The following TP63 variants were observed in gnomAD, a reference collection of about 807,000 sequenced individuals.
TP63 encodes tumor protein p63, also known as tumor protein 63.
A neutral mutation model predicts 82.8 loss-of-function variants in TP63; 17 were observed. The observed-to-expected ratio is 0.21, with a 90% CI of 0.14 to 0.31. TP63 has a LOEUF of 0.31. Ranked by LOEUF, TP63 falls within the 10% of genes least tolerant of loss-of-function variation. The pLI is 1.00. For synonymous variants in TP63, 330 were observed against 321.7 expected, an observed-to-expected ratio of 1.03 and a Z score of -0.28; for missense variants, 648 against 895.3, an observed-to-expected ratio of 0.72 and a Z score of 3.52.
intron 1 of TP63, among the ~76,000 whole-genome samples, chr3:189,674,469 C>A (rs1715209928): frequency 1.3e-5 from 2 of 152,228 alleles, no homozygotes; most frequent in Admixed American, 6.6e-5. Context: ...GACAGGGACA[C>A]AGAAGCGTCA....
At chr3:189,660,084 T>C (rs561625600) in intron 1 of TP63, among the ~76,000 whole-genome samples, 7 of 152,252 alleles carry the variant, frequency 4.6e-5, no homozygotes, top group African/African-American at 9.6e-5. Flanking sequence ...ATTTTTGTTT[T>C]TGTTGCAATT....
At chr3:189,743,853 C>T (rs564986169) in intron 3 of TP63, among the ~76,000 whole-genome samples, 38 of 152,262 alleles carry the variant, frequency 2.5e-4, no homozygotes, top group Admixed American at 1.0e-3. Context: ...AGACCCCTCA[C>T]GGTCCACATT....
chr3:189,625,962 C>A, the TP63 span, among the ~76,000 whole-genome samples: 1 of 152,042 alleles, frequency 6.6e-6, no homozygotes, highest in African/African-American at 2.4e-5. Flanking sequence ...CTCTTTCCTT[C>A]GGACACTCCC....
chr3:189,672,618 A>G (rs1714989307), intron 1 of TP63, among the ~76,000 whole-genome samples: 2 of 130,876 alleles, frequency 1.5e-5, no homozygotes, highest in South Asian at 5.4e-4. Flanking sequence ...AGATAGAAAG[A>G]AAAAAGGAAG....
intron 1 of TP63, among the ~76,000 whole-genome samples, chr3:189,713,812 G>A (rs943952919): frequency 5.3e-5 from 8 of 151,500 alleles, no homozygotes; most frequent in African/African-American, 1.9e-4. Context: ...TTTTATAATT[G>A]AATATTATTT....
chr3:189,890,162 C>T (rs758183528), intron 12 of TP63, among the ~76,000 whole-genome samples: 5 of 152,218 alleles, frequency 3.3e-5, no homozygotes, highest in South Asian at 2.1e-4. Flanking sequence ...GCTACTGGAA[C>T]GATTTGTGTT....
intron 1 of TP63, among the ~76,000 whole-genome samples, chr3:189,662,522 A>G (rs1714016638): frequency 6.6e-6 from 1 of 152,048 alleles, no homozygotes; most frequent in African/African-American, 2.4e-5. Flanking sequence ...ACAGAATAAA[A>G]GTTTATTTTT....
chr3:189,691,338 C>CAAAAAAAAAAAA (rs781098833), intron 1 of TP63, among the ~76,000 whole-genome samples: 104 of 66,882 alleles, frequency 1.6e-3, no homozygotes, highest in East Asian at 2.9e-3. Context: ...GACTCCATCT[C>CAAAAAAAAAAAA]AAAAAAAAAA....
At chr3:189,739,266 C>T (rs778145158) in intron 3 of TP63, among the ~76,000 whole-genome samples, 36 of 152,106 alleles carry the variant, frequency 2.4e-4, no homozygotes, top group Non-Finnish European at 8.8e-5. Context: ...CAGACATGCA[C>T]CACCACACCT....
chr3:189,792,937 A>G (rs1017970607), intron 3 of TP63, among the ~76,000 whole-genome samples: 2 of 152,098 alleles, frequency 1.3e-5, no homozygotes, highest in Non-Finnish European at 2.9e-5. Context: ...TGACTCAACC[A>G]TTTAAAAGAT....
intron 4 of TP63, among the ~76,000 whole-genome samples, chr3:189,854,849 T>A (rs1716093031): frequency 6.6e-6 from 1 of 152,180 alleles, no homozygotes; most frequent in African/African-American, 2.4e-5. Flanking sequence ...AGAAGATTAC[T>A]TTGGTGCAAA....
chr3:189,602,873 A>G, the TP63 span, among the ~76,000 whole-genome samples: 6 of 152,128 alleles, frequency 3.9e-5, no homozygotes, highest in African/African-American at 1.2e-4. Context: ...CTAGTGTTCT[A>G]TGTTTAATGG....
At chr3:189,598,992 C>T in the TP63 span, among the ~76,000 whole-genome samples, 2 of 152,180 alleles carry the variant, frequency 1.3e-5, no homozygotes, top group African/African-American at 4.8e-5. Context: ...TAACCTTGCC[C>T]ACAGCAAAGC....
At chr3:189,894,151 A>T (rs1721285161) in intron 13 of TP63, 55 bp from the exon 14 acceptor site, 1 of 1,606,868 alleles carries the variant, frequency 6.2e-7, no homozygotes, top group Non-Finnish European at 8.5e-7. Context: ...TGTGGACTAA[A>T]TGTCCGTTTT....
chr3:189,781,338 TG>T (rs1311769328), intron 3 of TP63, among the ~76,000 whole-genome samples: 1 of 152,088 alleles, frequency 6.6e-6, no homozygotes, highest in Non-Finnish European at 1.5e-5. Flanking sequence ...GATGCAAAGG[TG>T]GTGTGCATAC....
intron 4 of TP63, among the ~76,000 whole-genome samples, chr3:189,840,270 C>T (rs2108737934): frequency 6.8e-6 from 1 of 147,068 alleles, no homozygotes; most frequent in Admixed American, 6.8e-5. Flanking sequence ...AGGTAGACGT[C>T]TACCATAATT....
intron 10 of TP63, chr3:189,879,960 A>G (rs1719720606): frequency 6.8e-7 from 1 of 1,463,500 alleles, no homozygotes; most frequent in African/African-American, 1.4e-5. Context: ...TTCTGTCTAT[A>G]CTATGATCAT....
intron 1 of TP63, among the ~76,000 whole-genome samples, chr3:189,664,475 G>A (rs886527102): frequency 2.0e-5 from 3 of 152,082 alleles, no homozygotes; most frequent in African/African-American, 7.2e-5. Flanking sequence ...AACATGCATT[G>A]CAGCATGCCA....
intron 3 of TP63, among the ~76,000 whole-genome samples, chr3:189,793,026 T>C (rs1014002135): frequency 6.6e-6 from 1 of 152,060 alleles, no homozygotes; most frequent in Admixed American, 6.6e-5. Context: ...GTTAGCATCA[T>C]AGGAAAAAGC....
Sources: allele counts gnomAD v4.1 joint callset (sites outside exome capture counted in the v4.1 genomes callset), GRCh38; gene constraint gnomAD v4.1.1; transcripts MANE v1.5; gene names NCBI Gene and HGNC (gene_info 2026-07-23, HGNC 2026-07-21).